Variants in CNTNAP4 observed in about 807,000 individuals in gnomAD.
CNTNAP4 encodes the protein contactin associated protein family member 4, also known as contactin-associated protein-like 4.
Under a neutral mutation model 148.4 loss-of-function variants are expected in CNTNAP4, and 98 were observed. The ratio of observed to expected loss-of-function variants is 0.66; its 90% CI spans 0.56 to 0.78. The LOEUF (loss-of-function observed/expected upper bound fraction) is 0.78. Ranked by LOEUF, CNTNAP4 falls within the 30% of genes least tolerant of loss-of-function variation. The pLI is 0.00. For missense variants in CNTNAP4, 1,935 were observed against 1,565.6 expected, an observed-to-expected ratio of 1.24 and a Z score of -3.98; for synonymous variants, 730 against 565.1, an observed-to-expected ratio of 1.29 and a Z score of -4.14.
chr16:76,442,043 G>A (rs1048596444), intron 4 of CNTNAP4, among the ~76,000 whole-genome samples: 10 of 152,106 alleles, frequency 6.6e-5, no homozygotes, highest in African/African-American at 1.7e-4. Flanking sequence ...TGGCAAAAGC[G>A]CTTTGCAGAT....
At chr16:76,503,685 C>A (rs12444293) in intron 15 of CNTNAP4, among the ~76,000 whole-genome samples, 24,500 of 151,188 alleles carry the variant, frequency 0.16, 2,518 homozygotes, top group Admixed American at 0.3. Flanking sequence ...CCCTTCCCCC[C>A]ACCCCACAAC....
intron 8 of CNTNAP4, among the ~76,000 whole-genome samples, chr16:76,456,955 G>A (rs1445895388): frequency 6.6e-6 from 1 of 152,068 alleles, no homozygotes; most frequent in African/African-American, 2.4e-5. Context: ...AAGATTAAAT[G>A]ATACTATGCA....
rs1293420302 is a variant in CNTNAP4, at chr16:76,342,072, A to C, written c.197-13246A>C. The stretch of plus-strand genomic sequence containing the variant: ...AGTATGTCAGCATAGCAGAAGCAAA[A>C]AGCTGCTGTTCCTTTGTTTTGAAAG... On this transcript the variant is annotated intron_variant, in intron 2 of 23. Coordinates refer to ENST00000611870, the MANE Select transcript of CNTNAP4 (RefSeq NM_033401.5). Among the ~76,000 whole-genome samples, 3 of 152,328 alleles carry C rather than the reference A, an allele frequency of 2.0e-5. No homozygotes were observed. In the South Asian group the frequency reaches 6.2e-4, roughly 32 times the overall value.
intron 17 of CNTNAP4, among the ~76,000 whole-genome samples, chr16:76,525,433 A>T (rs182639195): frequency 6.7e-6 from 1 of 150,140 alleles, no homozygotes; most frequent in Non-Finnish European, 1.5e-5. Context: ...TCTAGAAAAA[A>T]ATCTATATAG....
chr16:76,320,791 T>C (rs1468383928), intron 2 of CNTNAP4, among the ~76,000 whole-genome samples: 1 of 152,192 alleles, frequency 6.6e-6, no homozygotes, highest in African/African-American at 2.4e-5. Context: ...TGAACGTAAG[T>C]CTTTATTTTA....
chr16:76,542,849 C>G (rs949297297), intron 21 of CNTNAP4, among the ~76,000 whole-genome samples: 7 of 152,124 alleles, frequency 4.6e-5, no homozygotes, highest in African/African-American at 1.7e-4. Context: ...GATACTATGT[C>G]AAGATGTCAA....
chr16:76,298,917 C>A (rs187380650), intron 1 of CNTNAP4, among the ~76,000 whole-genome samples: 1 of 152,114 alleles, frequency 6.6e-6, no homozygotes, highest in Non-Finnish European at 1.5e-5. Context: ...ATCAGTTCCT[C>A]TTTAATGATT....
intron 3 of CNTNAP4, among the ~76,000 whole-genome samples, chr16:76,398,585 A>T (rs989051784): frequency 2.6e-5 from 4 of 152,080 alleles, no homozygotes; most frequent in Non-Finnish European, 4.4e-5. Context: ...AGACACATTC[A>T]CTAGGTAGTA....
At position 76,448,770 on chromosome 16, in the gene CNTNAP4, A is replaced by G. The variant is rs1204317017; in HGVS notation, c.746A>G (p.Glu249Gly). ...GTTATTTTTCTCCTCTTCTAAGGTG[A>G]AGCTAAACTGCCTTCCACTTCCACC... Reference protein sequence around the residue: ...ARLFLLINSGEAKLPSTSTLV... With the variant: ...ARLFLLINSGGAKLPSTSTLV... Residue 249 changes from glutamate (E) to glycine (G), a missense_variant, in exon 6 of 24, where the codon GAA becomes GGA. Physicochemically the swap from Glu to Gly is moderately conservative, Grantham distance 98. Transcript: ENST00000611870. The G allele has an allele frequency of 6.2e-7, 1 of 1,602,096 alleles. No homozygotes were observed. Among genetic ancestry groups the G allele is most frequent in the Non-Finnish European group, 8.5e-7 (1 of 1,174,264 alleles).
At chr16:76,465,318 A>T (rs1210033302) in intron 9 of CNTNAP4, among the ~76,000 whole-genome samples, 1 of 152,174 alleles carries the variant, frequency 6.6e-6, no homozygotes, top group East Asian at 1.9e-4. Context: ...GCTGCCTCTT[A>T]TCATAGACTA....
At chr16:76,518,429 A>G (rs965216944) in intron 15 of CNTNAP4, among the ~76,000 whole-genome samples, 1 of 152,198 alleles carries the variant, frequency 6.6e-6, no homozygotes, top group Non-Finnish European at 1.5e-5. Flanking sequence ...TGCCTGGCCT[A>G]AAAAATTATT....
chr16:76,336,024 G>C (rs935200371), intron 2 of CNTNAP4, among the ~76,000 whole-genome samples: 1 of 152,058 alleles, frequency 6.6e-6, no homozygotes. Context: ...CTAACTCCAG[G>C]GTTGATGGAA....
rs367962978 is a variant in CNTNAP4, at chr16:76,464,240, G to A, written c.1483+2135G>A. Among the ~76,000 whole-genome samples, 6 of 152,280 alleles carry A rather than the reference G, an allele frequency of 3.9e-5. No individual in the cohort carries two copies. In the East Asian group the frequency reaches 1.2e-3, roughly 29 times the overall value. On this transcript the variant is annotated intron_variant, in intron 9 of 23. Coordinates refer to ENST00000611870, the MANE Select transcript of CNTNAP4 (RefSeq NM_033401.5). ...CCTGGGAGTGAACTAGAGGGGAAAG[G>A]GTTCTAAGTGGACACATCATCTTTT... is the stretch of plus-strand genomic sequence containing the variant.
At position 76,505,925 on chromosome 16, in the gene CNTNAP4, A is replaced by G. The variant is rs187447834; in HGVS notation, c.2365+7231A>G. Among the ~76,000 whole-genome samples, 7 of 97,554 alleles carry G rather than the reference A, an allele frequency of 7.2e-5. 2 individuals are homozygous for G. The highest frequency in any genetic ancestry group is 6.9e-4 in the Admixed American group (7 of 10,072). The allele number at this position is 97,554 out of a possible 152,430, so 64.0% of individuals were successfully genotyped here. On this transcript the variant is annotated intron_variant, in intron 15 of 23. Transcript: ENST00000611870. ...TTACAAAACAAAATTGGGTCATCAA[A>G]ACAAACAGAGAAACAACCGACCACT... is the stretch of plus-strand genomic sequence containing the variant.
intron 3 of CNTNAP4, among the ~76,000 whole-genome samples, chr16:76,368,726 A>G (rs956430915): frequency 2.0e-5 from 3 of 152,178 alleles, no homozygotes; most frequent in African/African-American, 7.2e-5. Flanking sequence ...AATGTAGATG[A>G]TGGGTTGATG....
intron 2 of CNTNAP4, among the ~76,000 whole-genome samples, chr16:76,342,068 CA>C (rs1374849198): frequency 6.6e-6 from 1 of 152,112 alleles, no homozygotes; most frequent in African/African-American, 2.4e-5. Context: ...ATAGCAGAAG[CA>C]AAAAGCTGCT....
At chr16:76,298,302 G>A (rs1399167471) in intron 1 of CNTNAP4, among the ~76,000 whole-genome samples, 1 of 152,158 alleles carries the variant, frequency 6.6e-6, no homozygotes, top group Non-Finnish European at 1.5e-5. Context: ...AAATGTAACA[G>A]TCAAGTTTAA....
intron 3 of CNTNAP4, among the ~76,000 whole-genome samples, chr16:76,408,071 A>C (rs2078661342): frequency 6.6e-6 from 1 of 152,206 alleles, no homozygotes; most frequent in South Asian, 2.1e-4. Context: ...TTTTTTTAGC[A>C]ATCAAGTATT....
chr16:76,448,289 C>T (rs1597574720), intron 5 of CNTNAP4, 74 bp downstream of exon 5: 3 of 1,068,416 alleles, frequency 2.8e-6, no homozygotes, highest in South Asian at 1.6e-5. Context: ...GCTTTTATAG[C>T]TTATCTTTTA....
Sources: gnomAD v4.1 joint callset for allele counts (sites outside exome capture counted in the v4.1 genomes callset) on GRCh38, gnomAD v4.1.1 for gene constraint, MANE v1.5 for transcripts, NCBI Gene and HGNC (gene_info 2026-07-23, HGNC 2026-07-21) for gene names.